DMD: variants seen among roughly 807,000 people sequenced by gnomAD.
DMD encodes the protein mutant dystrophin.
A neutral mutation model predicts 330.1 loss-of-function variants in DMD; 63 were observed. The observed-to-expected ratio is 0.19, with a 90% CI of 0.16 to 0.24. The LOEUF is 0.24. Ranked by LOEUF, DMD falls within the 10% of genes least tolerant of loss-of-function variation. DMD has a pLI of 1.00. For missense variants in DMD, 3,344 were observed against 2,684.1 expected, an observed-to-expected ratio of 1.25 and a Z score of -5.43; for synonymous variants, 1,223 against 959.8, an observed-to-expected ratio of 1.27 and a Z score of -5.07.
chrX:31,368,101 C>T (rs1485205655), intron 60 of DMD, among the ~76,000 whole-genome samples: 3 of 111,345 alleles, frequency 2.7e-5, no homozygotes, highest in South Asian at 3.9e-4. Flanking sequence ...AAAGGGATCC[C>T]TGAGCCTTTC....
chrX:32,935,016 T>C (rs2089887115), intron 2 of DMD, among the ~76,000 whole-genome samples: 1 of 113,218 alleles, frequency 8.8e-6, no homozygotes, highest in Admixed American at 9.2e-5. Flanking sequence ...GTGAGTGCAC[T>C]TCCCCAGGCT....
At chrX:31,384,387 T>C (rs1052040981) in intron 60 of DMD, among the ~76,000 whole-genome samples, 1 of 111,549 alleles carries the variant, frequency 9.0e-6, no homozygotes, top group African/African-American at 3.3e-5. Flanking sequence ...TATCAATTCT[T>C]GCTTTTTGGT....
intron 53 of DMD, among the ~76,000 whole-genome samples, chrX:31,670,766 T>C (rs765780491): frequency 1.8e-5 from 2 of 111,933 alleles, no homozygotes; most frequent in South Asian, 3.7e-4. Flanking sequence ...TGTATGCCTC[T>C]TTTCCTCTTC....
At chrX:32,093,036 T>C (rs1027984694) in intron 44 of DMD, among the ~76,000 whole-genome samples, 6 of 111,440 alleles carry the variant, frequency 5.4e-5, no homozygotes, top group Non-Finnish European at 1.1e-4. Flanking sequence ...TTAGTTTTTG[T>C]ATTCAATAGT....
chrX:31,835,287 C>A (rs1288078553), intron 49 of DMD, among the ~76,000 whole-genome samples: 1 of 111,981 alleles, frequency 8.9e-6, no homozygotes, highest in Non-Finnish European at 1.9e-5. Context: ...GGCATAAAGT[C>A]TTTGAGGATC....
intron 18 of DMD, among the ~76,000 whole-genome samples, chrX:32,508,666 T>A (rs924350432): frequency 8.9e-6 from 1 of 111,849 alleles, no homozygotes; most frequent in Non-Finnish European, 1.9e-5. Context: ...AATGAGATAG[T>A]TTTTATAGTA....
intron 43 of DMD, among the ~76,000 whole-genome samples, chrX:32,254,182 CA>C (rs1474401206): frequency 1.8e-5 from 2 of 111,421 alleles, no homozygotes. Flanking sequence ...GCTGGGATTA[CA>C]AGCATGCGCC....
chrX:31,454,438 G>A (rs926179261), intron 59 of DMD, among the ~76,000 whole-genome samples: 15 of 112,431 alleles, frequency 1.3e-4, no homozygotes, highest in Non-Finnish European at 2.4e-4. Flanking sequence ...CACTGCGCCT[G>A]AAGTTTTACA....
In DMD at chrX:31,313,046, C is replaced by T. The variant is rs112414822; in HGVS notation, c.9224+10552G>A. ...CATATACCTATGTAACAAACCTGCA[C>T]GTTCTGCACATGTATCTCGGTTTTT... On this transcript the variant is annotated intron_variant, in intron 62 of 78. Transcript: ENST00000357033. 2.4e-3 allele frequency among the ~76,000 whole-genome samples: 246 copies of T among 102,419 alleles called. 2 individuals are homozygous for T. Among genetic ancestry groups the T allele is most frequent in the African/African-American group, 8.7e-3 (236 of 27,267 alleles). 88.9% of individuals were successfully genotyped at this position (102,419 alleles called of 115,157 possible).
intron 15 of DMD, 74 bp from the exon 16 acceptor site, chrX:32,565,955 G>T (rs1035631220): frequency 1.1e-6 from 1 of 920,470 alleles, no homozygotes; most frequent in Non-Finnish European, 1.5e-6. Flanking sequence ...ATCTGCTTTT[G>T]CGTGTATTTG....
chrX:31,309,026 G>T (rs1185575031), intron 62 of DMD, among the ~76,000 whole-genome samples: 1 of 111,798 alleles, frequency 8.9e-6, no homozygotes, highest in Non-Finnish European at 1.9e-5. Flanking sequence ...ACCACGCCTG[G>T]ACTGCCATCT....
intron 24 of DMD, among the ~76,000 whole-genome samples, chrX:32,464,360 G>A (rs2098393913): frequency 9.1e-6 from 1 of 110,016 alleles, no homozygotes; most frequent in Non-Finnish European, 1.9e-5. Flanking sequence ...AATGTTCTAT[G>A]GACTGTACGA....
intron 29 of DMD, among the ~76,000 whole-genome samples, chrX:32,433,618 C>T (rs1241354059): frequency 9.0e-6 from 1 of 111,159 alleles, no homozygotes; most frequent in Non-Finnish European, 1.9e-5. Flanking sequence ...GAGGAGGTTG[C>T]AGTGAGCTGA....
intron 7 of DMD, among the ~76,000 whole-genome samples, chrX:32,766,225 C>A (rs1230243235): frequency 9.0e-6 from 1 of 111,309 alleles, no homozygotes; most frequent in African/African-American, 3.3e-5. Flanking sequence ...TCTATTTCTG[C>A]AGAAAAACTA....
chrX:32,989,410 G>C (rs907738058), intron 2 of DMD, among the ~76,000 whole-genome samples: 1 of 111,405 alleles, frequency 9.0e-6, no homozygotes, highest in African/African-American at 3.3e-5. Flanking sequence ...AGTAAGTGTA[G>C]AAAAATGATT....
intron 44 of DMD, among the ~76,000 whole-genome samples, chrX:32,099,641 G>A (rs1477567208): frequency 9.6e-6 from 1 of 104,433 alleles, no homozygotes; most frequent in Non-Finnish European, 1.9e-5. Context: ...CTATCGCAAG[G>A]ACAAAAAACC....
At chrX:31,185,038 A>G (rs1226678550) in intron 67 of DMD, among the ~76,000 whole-genome samples, 13 of 104,577 alleles carry the variant, frequency 1.2e-4, no homozygotes, top group South Asian at 4.8e-4. Flanking sequence ...TGGGTGCAGC[A>G]CACCAGCATG....
chrX:31,671,799 C>T (rs62589460), intron 53 of DMD, among the ~76,000 whole-genome samples: 13,339 of 111,192 alleles, frequency 0.12, 632 homozygotes, highest in Admixed American at 0.21. Flanking sequence ...TCTTTCCTAA[C>T]CAATCAGCTA....
intron 29 of DMD, among the ~76,000 whole-genome samples, chrX:32,431,064 T>C (rs1300605852): frequency 8.9e-6 from 1 of 111,991 alleles, no homozygotes; most frequent in Non-Finnish European, 1.9e-5. Context: ...TCAATTTCCT[T>C]TGGATATATC....
Sources: gnomAD v4.1 joint callset for allele counts (sites outside exome capture counted in the v4.1 genomes callset) on GRCh38, gnomAD v4.1.1 for gene constraint, MANE v1.5 for transcripts, NCBI Gene and HGNC (gene_info 2026-07-23, HGNC 2026-07-21) for gene names.